The following EXT1 variants were observed in gnomAD, a reference collection of about 807,000 sequenced individuals.
The protein encoded by EXT1 is exostosin-1.
EXT1 carries 20 observed loss-of-function variants against 82.5 expected under a neutral mutation model. The observed-to-expected ratio is 0.24, with a 90% CI of 0.17 to 0.35. EXT1 has a LOEUF of 0.35. EXT1 is among the 10% of genes least tolerant of loss of function. The probability of loss-of-function intolerance (pLI) is 1.00; values close to 1 mark genes in which losing one functional copy is unlikely to be tolerated. For missense variants in EXT1, 757 were observed against 936.5 expected, an observed-to-expected ratio of 0.81 and a Z score of 2.50; for synonymous variants, 348 against 350.8, an observed-to-expected ratio of 0.99 and a Z score of 0.09.
At chr8:118,010,232 C>A (rs1456216888) in intron 1 of EXT1, among the ~76,000 whole-genome samples, 1 of 151,754 alleles carries the variant, frequency 6.6e-6, no homozygotes. Flanking sequence ...ATTAGCCGGG[C>A]GTGGTGGCGG....
At chr8:117,925,630 A>G (rs1813938417) in intron 1 of EXT1, among the ~76,000 whole-genome samples, 1 of 146,792 alleles carries the variant, frequency 6.8e-6, no homozygotes. Context: ...GCACCTTGGG[A>G]AGCAAAGGTA....
At chr8:117,976,060 T>C (rs1442885375) in intron 1 of EXT1, among the ~76,000 whole-genome samples, 4 of 152,200 alleles carry the variant, frequency 2.6e-5, no homozygotes. Context: ...ATGACATTGG[T>C]AACTTAAAGA....
At chr8:117,910,540 A>G (rs771554303) in intron 1 of EXT1, among the ~76,000 whole-genome samples, 2 of 152,216 alleles carry the variant, frequency 1.3e-5, no homozygotes, top group Non-Finnish European at 2.9e-5. Flanking sequence ...GAACAGATAC[A>G]CTGAATTACT....
chr8:118,106,469 T>G (rs932400269), intron 1 of EXT1, among the ~76,000 whole-genome samples: 4 of 152,208 alleles, frequency 2.6e-5, no homozygotes, highest in Non-Finnish European at 5.9e-5. Flanking sequence ...GAATGATCAC[T>G]TACCTCCAAG....
rs1265147934 is a variant in EXT1, at chr8:117,837,111, C to T, written c.1053G>A (p.Leu351=). 1 of 1,613,756 alleles carries T rather than the reference C, an allele frequency of 6.2e-7. No homozygotes were observed. Among genetic ancestry groups the T allele is most frequent in the Non-Finnish European group, 8.5e-7 (1 of 1,179,722 alleles). The change falls in exon 2 of 11, where the codon TTG becomes TTA. Residue 351 remains leucine (L), a synonymous_variant. Coordinates refer to ENST00000378204, the MANE Select transcript of EXT1 (RefSeq NM_000127.3). ...GGAAGGCTCCAGGGCCTCTTACCTG[C>T]AAAGCCTCCAGGAATCTGAAGGACC... ...RLGSFRFLEA[L]QAACVPVMLS...
intron 1 of EXT1, among the ~76,000 whole-genome samples, chr8:118,028,933 A>G (rs1196621636): frequency 6.6e-6 from 1 of 152,196 alleles, no homozygotes; most frequent in African/African-American, 2.4e-5. Flanking sequence ...AAAGAAAAAA[A>G]ATAAATAAAT....
At chr8:118,070,614 T>C (rs2129961898) in intron 1 of EXT1, among the ~76,000 whole-genome samples, 1 of 152,296 alleles carries the variant, frequency 6.6e-6, no homozygotes, top group Admixed American at 6.5e-5. Context: ...AAATAATCTT[T>C]TAAACTTTAG....
intron 1 of EXT1, among the ~76,000 whole-genome samples, chr8:117,926,859 T>G (rs1169096662): frequency 6.6e-6 from 1 of 152,224 alleles, no homozygotes; most frequent in African/African-American, 2.4e-5. Context: ...ATAACTGCAC[T>G]GCCAGTGTCT....
At chr8:118,014,029 T>C (rs1030521511) in intron 1 of EXT1, among the ~76,000 whole-genome samples, 1 of 152,180 alleles carries the variant, frequency 6.6e-6, no homozygotes, top group Non-Finnish European at 1.5e-5. Flanking sequence ...GCTTTACATA[T>C]CTGTAAATGG....
chr8:117,857,397 A>G (rs1412889182), intron 1 of EXT1, among the ~76,000 whole-genome samples: 2 of 152,172 alleles, frequency 1.3e-5, no homozygotes, highest in Non-Finnish European at 2.9e-5. Flanking sequence ...CTCTATAATC[A>G]AAAAATTCAG....
At chr8:117,951,381 C>T (rs1350895354) in intron 1 of EXT1, among the ~76,000 whole-genome samples, 2 of 152,208 alleles carry the variant, frequency 1.3e-5, no homozygotes, top group East Asian at 1.9e-4. Flanking sequence ...AAGCAGACTC[C>T]TGTTTTTGTG....
intron 1 of EXT1, among the ~76,000 whole-genome samples, chr8:117,896,732 G>A (rs1016738302): frequency 2.6e-5 from 4 of 152,208 alleles, no homozygotes; most frequent in Admixed American, 2.0e-4. Context: ...GATTTGGGGA[G>A]GTGGATGGAG....
chr8:118,098,076 G>A (rs922322898), intron 1 of EXT1, among the ~76,000 whole-genome samples: 1 of 152,070 alleles, frequency 6.6e-6, no homozygotes, highest in Non-Finnish European at 1.5e-5. Flanking sequence ...GGCAGAGCTT[G>A]CCTGCCTTAG....
At chr8:117,813,013 C>A (rs374919701) in intron 7 of EXT1, 52 bp from the exon 8 acceptor site, 16 of 1,441,014 alleles carry the variant, frequency 1.1e-5, no homozygotes, top group Non-Finnish European at 1.5e-5. Context: ...AAAGAGGTAA[C>A]TTCAGAGTCT....
chr8:117,835,156 A>C (rs1259597683), intron 3 of EXT1, among the ~76,000 whole-genome samples: 1 of 152,194 alleles, frequency 6.6e-6, no homozygotes, highest in Non-Finnish European at 1.5e-5. Context: ...AATATTTCTA[A>C]AAATTCTGGT....
At chr8:117,875,352 T>C (rs942178899) in intron 1 of EXT1, among the ~76,000 whole-genome samples, 4 of 151,404 alleles carry the variant, frequency 2.6e-5, no homozygotes, top group Non-Finnish European at 5.9e-5. Flanking sequence ...ACCCGGGAGG[T>C]GGAGGTTGCA....
At chr8:117,884,938 T>C (rs1813121355) in intron 1 of EXT1, among the ~76,000 whole-genome samples, 1 of 152,234 alleles carries the variant, frequency 6.6e-6, no homozygotes, top group Non-Finnish European at 1.5e-5. Context: ...TCAGCTTTAG[T>C]TTCAATGGAT....
intron 1 of EXT1, among the ~76,000 whole-genome samples, chr8:117,869,119 C>T (rs1586252996): frequency 1.3e-5 from 2 of 152,186 alleles, no homozygotes; most frequent in Non-Finnish European, 2.9e-5. Context: ...CAGTGTCTGC[C>T]CCACTTTGGC....
At chr8:117,993,016 G>GTT (rs1414759832) in intron 1 of EXT1, among the ~76,000 whole-genome samples, 3 of 152,270 alleles carry the variant, frequency 2.0e-5, no homozygotes, top group Admixed American at 6.5e-5. Context: ...GGACATATGA[G>GTT]TTCAGAACCC....
Sources: allele counts gnomAD v4.1 joint callset (sites outside exome capture counted in the v4.1 genomes callset), GRCh38; gene constraint gnomAD v4.1.1; transcripts MANE v1.5; gene names NCBI Gene and HGNC (gene_info 2026-07-23, HGNC 2026-07-21).